Variants in COL6A1 observed in about 807,000 individuals in gnomAD.
COL6A1 encodes collagen type VI alpha 1 chain, also known as collagen alpha-1(VI) chain.
Under a neutral mutation model 145.6 loss-of-function variants are expected in COL6A1, and 80 were observed. The observed-to-expected ratio is 0.55, with a 90% CI of 0.46 to 0.66. The LOEUF is 0.66. Among genes scored for constraint, COL6A1 ranks in the 30% least tolerant of loss-of-function variants. The pLI, the probability that COL6A1 is intolerant of heterozygous loss-of-function variation, is 0.00. For synonymous variants in COL6A1, 638 were observed against 622.8 expected (o/e 1.02, Z -0.36); for missense variants, 1,364 against 1,473.8 (o/e 0.93, Z 1.22).
Position 46,003,407 on chromosome 21 carries a change from G to C in COL6A1, c.2481G>C (p.Pro827=), listed in dbSNP as rs772673965. Residue 827 remains proline (P), a synonymous_variant, in exon 35 of 35, where the codon CCG becomes CCC. Transcript: ENST00000361866. ...GCCCCGCAGTCACGTTCTCCTCCCC[G>C]GCTGACATCACCATCCTGCTGGACG... ...DYTCPITFSS[P]ADITILLDGS... is the part of the protein sequence containing the mutation. 4 of 1,600,724 alleles carry C rather than the reference G, an allele frequency of 2.5e-6. No homozygotes were observed. Among genetic ancestry groups the C allele is most frequent in the Non-Finnish European group, 3.4e-6 (4 of 1,179,702 alleles).
At position 46,003,761 on chromosome 21, in the gene COL6A1, C is replaced by A; in HGVS notation, c.2835C>A (p.Gly945=). Residue 945 remains glycine, a synonymous_variant, in exon 35 of 35, where the codon GGC becomes GGA. Coordinates refer to ENST00000361866, the MANE Select transcript of COL6A1 (RefSeq NM_001848.3). Reference sequence around the variant, plus strand: ...AGAGGCTGCTGCTCTTCTCAGATGGCAACTCGCAGGGCGCCACGCCCGCTG... The same window carrying A: ...AGAGGCTGCTGCTCTTCTCAGATGGAAACTCGCAGGGCGCCACGCCCGCTG... ...AKKRLLLFSD[G]NSQGATPAAI... is the part of the protein sequence containing the mutation. 6.2e-7 allele frequency: 1 copy of A among 1,612,812 alleles called. No individual in the cohort carries two copies. The highest frequency in any genetic ancestry group is 8.5e-7 in the Non-Finnish European group (1 of 1,179,828).
At chr21:45,986,767 T>G in intron 4 of COL6A1, 82 bp downstream of exon 4, 1 of 1,522,772 alleles carries the variant, frequency 6.6e-7, no homozygotes, top group Non-Finnish European at 8.8e-7. Flanking sequence ...GGACCGTCTT[T>G]TGGTCCTCGG....
At chr21:45,996,201 C>T (rs1283405518) in intron 20 of COL6A1, among the ~76,000 whole-genome samples, 6 of 152,258 alleles carry the variant, frequency 3.9e-5, no homozygotes, top group African/African-American at 1.4e-4. Context: ...ACCTCCTTTC[C>T]ATCCTTCCTC....
Position 46,002,991 on chromosome 21 carries a change from C to T in COL6A1, c.2435-129C>T, listed in dbSNP as rs376896931. On this transcript the variant is annotated intron_variant, in intron 33 of 34. Coordinates refer to ENST00000361866, the MANE Select transcript of COL6A1 (RefSeq NM_001848.3). ...CCTGGGGCTGTCCCACAGGCATCCT[C>T]CTCCCGGCTCGCTGTGACTTCCGGG... The T allele has an allele frequency of 7.4e-4, 1,020 of 1,381,722 alleles. 9 individuals carry two copies. In the African/African-American group the frequency reaches 0.013, roughly 17 times the overall value. The allele number at this position is 1,381,722 out of a possible 1,614,324, so 85.6% of individuals were successfully genotyped here. A position where few individuals can be genotyped will look rare whatever the true frequency, so the allele number is the denominator to read the frequency against.
At chr21:45,995,025 T>C (rs6518264) in intron 20 of COL6A1, among the ~76,000 whole-genome samples, 3,497 of 152,354 alleles carry the variant, frequency 0.023, 120 homozygotes, top group African/African-American at 0.073. Flanking sequence ...TCCAGCAAGA[T>C]GGGGCCTCAG....
In COL6A1 at chr21:46,004,790, G is replaced by A. The variant is rs971988152; in HGVS notation, c.*777G>A. On this transcript the variant is annotated 3_prime_UTR_variant, in exon 35 of 35. Transcript: ENST00000361866. ...GGCGCTGGCTGCACTCAAGACCCTC[G>A]AGATTAACGGTGCTAACCCCGTCTG... 7.4e-6 allele frequency: 3 copies of A among 402,890 alleles called. No individual in the cohort carries two copies. Among genetic ancestry groups the A allele is most frequent in the African/African-American group, 2.1e-5 (1 of 48,690 alleles). 25.0% of individuals were successfully genotyped at this position (402,890 alleles called of 1,614,324 possible). A position where few individuals can be genotyped will look rare whatever the true frequency, so the allele number is the denominator to read the frequency against.
chr21:45,997,402 C>T lies in COL6A1; in HGVS notation c.1399-19C>T. ...GGGTGAGGCCTGTGGTCCAACGTGC[C>T]ATATCCATCTCTCTACAGGGCGAGG... On this transcript the variant is annotated intron_variant, in intron 20 of 34. Coordinates refer to ENST00000361866, the MANE Select transcript of COL6A1 (RefSeq NM_001848.3). The T allele has an allele frequency of 6.2e-7, 1 of 1,612,398 alleles. No individual in the cohort carries two copies. The highest frequency in any genetic ancestry group is 8.5e-7 in the Non-Finnish European group (1 of 1,179,356).
Position 45,986,519 on chromosome 21 carries a change from T to C in COL6A1, c.429-7T>C. 1 of 1,555,706 alleles carries C rather than the reference T, an allele frequency of 6.4e-7. No individual in the cohort carries two copies. The highest frequency in any genetic ancestry group is 8.7e-7 in the Non-Finnish European group (1 of 1,149,784). On this transcript the variant is annotated splice_polypyrimidine_tract_variant and splice_region_variant and intron_variant, in intron 3 of 34. Transcript: ENST00000361866. The stretch of plus-strand genomic sequence containing the variant: ...CTCGAGGTCTCACGCTGCCCTCTCC[T>C]GTCCAGGGGCTCCCACCTGAAGGAG...
intron 10 of COL6A1, 25 bp downstream of exon 10, chr21:45,989,677 C>G: frequency 6.2e-7 from 1 of 1,613,150 alleles, no homozygotes; most frequent in Non-Finnish European, 8.5e-7. Context: ...TTTCCTGGCC[C>G]GAGCCCGGTG....
intron 20 of COL6A1, among the ~76,000 whole-genome samples, chr21:45,996,996 C>G (rs1217148346): frequency 6.6e-6 from 1 of 152,158 alleles, no homozygotes; most frequent in African/African-American, 2.4e-5. Flanking sequence ...TGGGGCCACT[C>G]TGATAGGAGA....
chr21:45,990,025 C>T lies in COL6A1; in HGVS notation c.931-233C>T, dbSNP rs373874954. On this transcript the variant is annotated intron_variant, in intron 11 of 34. Coordinates refer to ENST00000361866, the MANE Select transcript of COL6A1 (RefSeq NM_001848.3). ...GGGTCCCCCGGGCGGTTACCCTCTG[C>T]GGAGCCGGGGGTCCCCCGGGCGGTT... 4.9e-3 allele frequency among the ~76,000 whole-genome samples: 61 copies of T among 12,444 alleles called. No individual in the cohort carries two copies. The East Asian group carries it at 0.19, about 40-fold the overall frequency. The allele number at this position is 12,444 out of a possible 152,430, so 8.2% of individuals were successfully genotyped here. A position where few individuals can be genotyped will look rare whatever the true frequency, so the allele number is the denominator to read the frequency against.
intron 3 of COL6A1, among the ~76,000 whole-genome samples, chr21:45,985,085 CAGAGACAG>C (rs2077731011): frequency 2.0e-5 from 3 of 146,514 alleles, no homozygotes; most frequent in Non-Finnish European, 3.0e-5. Flanking sequence ...GAGACAGAAA[CAGAGACAG>C]AGAGACAGAG....
intron 28 of COL6A1, 72 bp from the exon 29 acceptor site, chr21:46,000,687 G>A: frequency 6.2e-7 from 1 of 1,605,774 alleles, no homozygotes; most frequent in Non-Finnish European, 8.5e-7. Flanking sequence ...GCTGCCCCAA[G>A]AGTAAAAGCC....
intron 8 of COL6A1, 60 bp downstream of exon 8, chr21:45,987,714 A>G (rs1378948779): frequency 5.8e-6 from 9 of 1,552,468 alleles, no homozygotes; most frequent in Non-Finnish European, 6.1e-6. Context: ...GGGTGGCAGG[A>G]CCAAAGCCTC....
chr21:46,002,494 G>C (rs763733200), intron 32 of COL6A1, 33 bp from the exon 33 acceptor site: 5 of 1,613,674 alleles, frequency 3.1e-6, no homozygotes, highest in Admixed American at 3.3e-5. Flanking sequence ...GGCAGAGCAG[G>C]CTGCGCCACA....
chr21:46,000,742 CTT>C lies in COL6A1; in HGVS notation c.1814-15_1814-14del. On this transcript the variant is annotated splice_polypyrimidine_tract_variant and intron_variant, in intron 28 of 34. Coordinates refer to ENST00000361866, the MANE Select transcript of COL6A1 (RefSeq NM_001848.3). ...GCGGCCCTGACTGGTCTAACTGACTCTTTCTCTTCTCCTCAGCTTGCTGTGGT... is the reference window on the plus strand; with the variant it reads ...GCGGCCCTGACTGGTCTAACTGACTCTCTCTTCTCCTCAGCTTGCTGTGGT... The C allele has an allele frequency of 6.2e-7, 1 of 1,613,980 alleles. No individual in the cohort carries two copies. The highest frequency in any genetic ancestry group is 8.5e-7 in the Non-Finnish European group (1 of 1,179,910).
chr21:45,982,568 A>T, intron 1 of COL6A1, 66 bp from the exon 2 acceptor site: 1 of 1,605,978 alleles, frequency 6.2e-7, no homozygotes, highest in Non-Finnish European at 8.5e-7. Context: ...CCGGGAGGGC[A>T]GGCCCAGCAG....
Position 45,994,515 on chromosome 21 carries a change from G to A in COL6A1, c.1398+286G>A, listed in dbSNP as rs979232239. Among the ~76,000 whole-genome samples, 4 of 152,120 alleles carry A rather than the reference G, an allele frequency of 2.6e-5. No homozygotes were observed. Among genetic ancestry groups the A allele is most frequent in the African/African-American group, 9.7e-5 (4 of 41,422 alleles). On this transcript the variant is annotated intron_variant, in intron 20 of 34. Transcript: ENST00000361866. The surrounding 1 kb of genome is among the most constrained non-coding windows in gnomAD (Gnocchi z 6.8). ...GTCTGGGGGCCCATCCGGGGCAAGG[G>A]TGCCTCACAGTGAGGAAGAGGTGTT...
In COL6A1 at chr21:45,984,362, T is replaced by C; in HGVS notation, c.321T>C (p.Pro107=). ...VEIIQGLTRM[P]GGRDALKSSV... ...TCATCCAAGGCCTCACGCGCATGCC[T>C]GGCGGCCGCGACGCACTCAAAAGCA... is the stretch of plus-strand genomic sequence containing the variant. Residue 107 remains proline, a synonymous_variant, in exon 3 of 35, where the codon CCT becomes CCC. Transcript: ENST00000361866. The C allele has an allele frequency of 6.2e-7, 1 of 1,612,612 alleles. No individual in the cohort carries two copies. The highest frequency in any genetic ancestry group is 1.3e-5 in the African/African-American group (1 of 75,036).
Sources: allele counts gnomAD v4.1 joint callset (sites outside exome capture counted in the v4.1 genomes callset), GRCh38; gene constraint gnomAD v4.1.1; non-coding constraint Gnocchi (gnomAD v3.1); transcripts MANE v1.5; gene names NCBI Gene and HGNC (gene_info 2026-07-23, HGNC 2026-07-21).